Variants in FOCAD observed in about 807,000 individuals in gnomAD.
The protein encoded by FOCAD is KIAA1797.
A neutral mutation model predicts 225.6 loss-of-function variants in FOCAD; 198 were observed. The observed-to-expected ratio is 0.88, with a 90% CI of 0.78 to 0.99. The LOEUF (loss-of-function observed/expected upper bound fraction) is 0.99, where lower values mean the gene tolerates loss of function less well. FOCAD is among the 50% of genes least tolerant of loss of function. The pLI, the probability that FOCAD is intolerant of heterozygous loss-of-function variation, is 0.00. For missense variants in FOCAD, 2,713 were observed against 2,123.6 expected (o/e 1.28, Z -5.46); for synonymous variants, 897 against 755.0 (o/e 1.19, Z -3.08).
intron 2 of FOCAD, among the ~76,000 whole-genome samples, chr9:20,665,068 GTA>G: frequency 6.6e-6 from 1 of 152,134 alleles, no homozygotes; most frequent in East Asian, 1.9e-4. Context: ...CCAGGGTAGA[GTA>G]CTCCAGTATG....
At chr9:20,924,784 C>G (rs555875120) in intron 25 of FOCAD, among the ~76,000 whole-genome samples, 1 of 152,200 alleles carries the variant, frequency 6.6e-6, no homozygotes, top group South Asian at 2.1e-4. Context: ...TTGGGAAGAA[C>G]AAGAACCAGG....
At position 20,671,560 on chromosome 9, in the gene FOCAD, T is replaced by G. The variant is rs993257801; in HGVS notation, c.-78+12734T>G. The stretch of plus-strand genomic sequence containing the variant: ...TTCAGTTTCCACCTATTGGCCGTCC[T>G]TGCAAGGGAGGCATCATTCTCTCAC... On this transcript the variant is annotated intron_variant, in intron 2 of 45. Transcript: ENST00000380249. Among the ~76,000 whole-genome samples, 4 of 152,122 alleles carry G rather than the reference T, an allele frequency of 2.6e-5. No homozygotes were observed. The East Asian group carries it at 5.8e-4, about 22-fold the overall frequency.
intron 1 of FOCAD, among the ~76,000 whole-genome samples, chr9:20,698,582 T>G (rs1823577344): frequency 6.6e-6 from 1 of 152,080 alleles, no homozygotes; most frequent in South Asian, 2.1e-4. Context: ...TTATTTTTTG[T>G]AGAGATGAGG....
chr9:20,722,934 G>GT lies in FOCAD; in HGVS notation c.287+2402dup, dbSNP rs372194235. On this transcript the variant is annotated intron_variant, in intron 4 of 43. Coordinates refer to ENST00000338382, the MANE Select transcript of FOCAD (RefSeq NM_001375567.1). ...GTAGTTGTACTATTTATATTCAAAAGTTAAAGTATCAGCAGCTCATGGGGC... is the reference window on the plus strand; with the variant it reads ...GTAGTTGTACTATTTATATTCAAAAGTTTAAAGTATCAGCAGCTCATGGGGC... Among the ~76,000 whole-genome samples, 109 of 152,266 alleles carry GT rather than the reference G, an allele frequency of 7.2e-4. 1 individual carries two copies. The highest frequency in any genetic ancestry group is 2.5e-3 in the African/African-American group (103 of 41,554).
intron 4 of FOCAD, among the ~76,000 whole-genome samples, chr9:20,735,827 T>G (rs1180307123): frequency 1.8e-5 from 2 of 113,262 alleles, no homozygotes; most frequent in Non-Finnish European, 3.5e-5. Context: ...CCTGGCCTCT[T>G]CAATTGTTTT....
chr9:20,862,612 C>T lies in FOCAD; in HGVS notation c.1955C>T (p.Ser652Phe). ...ATTCGCTCCACTTGGAATGCTCTCT[C>T]TCCAAAGCTGAGTTGTGACACAAGA... ...VCIRSTWNAL[S>F]PKLSCDTRPL... The change falls in exon 16 of 44, where the codon TCT becomes TTT. Residue 652 changes from serine to phenylalanine, a missense_variant. Physicochemically the swap from Ser to Phe is radical, Grantham distance 155. Coordinates refer to ENST00000338382, the MANE Select transcript of FOCAD (RefSeq NM_001375567.1). 1.2e-6 allele frequency: 2 copies of T among 1,613,510 alleles called. No individual in the cohort carries two copies. The highest frequency in any genetic ancestry group is 1.7e-6 in the Non-Finnish European group (2 of 1,179,642).
At chr9:20,712,219 C>A (rs976611283) in intron 1 of FOCAD, among the ~76,000 whole-genome samples, 2 of 152,156 alleles carry the variant, frequency 1.3e-5, no homozygotes, top group Non-Finnish European at 1.5e-5. Context: ...AAATGGAATT[C>A]TTTGTCTTCC....
intron 17 of FOCAD, 30 bp from the exon 18 acceptor site, chr9:20,866,899 T>C: frequency 3.0e-6 from 2 of 675,912 alleles, no homozygotes; most frequent in East Asian, 3.9e-5. Flanking sequence ...TTTTTTTTTT[T>C]TTTTTTTTTT....
intron 40 of FOCAD, among the ~76,000 whole-genome samples, chr9:20,987,936 C>T (rs1313071831): frequency 6.6e-6 from 1 of 152,100 alleles, no homozygotes; most frequent in South Asian, 2.1e-4. Flanking sequence ...TGTGATTTGG[C>T]ATAAATTGGG....
intron 15 of FOCAD, among the ~76,000 whole-genome samples, chr9:20,861,003 C>A (rs772444250): frequency 6.6e-6 from 1 of 152,072 alleles, no homozygotes; most frequent in African/African-American, 2.4e-5. Context: ...TTGACTTTTG[C>A]TTTCCATTTT....
chr9:20,822,543 G>C (rs1309611691), intron 14 of FOCAD, among the ~76,000 whole-genome samples: 1 of 151,942 alleles, frequency 6.6e-6, no homozygotes, highest in Admixed American at 6.6e-5. Flanking sequence ...CATTATGATA[G>C]GTGTAACCAC....
intron 11 of FOCAD, among the ~76,000 whole-genome samples, chr9:20,800,191 C>G (rs996987489): frequency 4.6e-5 from 7 of 152,148 alleles, no homozygotes; most frequent in Non-Finnish European, 7.3e-5. Context: ...TCTCTTCTGG[C>G]TTGTAGAGTT....
At chr9:20,951,135 G>A (rs777268196) in intron 34 of FOCAD, 37 bp downstream of exon 34, 1 of 1,537,472 alleles carries the variant, frequency 6.5e-7, no homozygotes, top group Non-Finnish European at 9.0e-7. Flanking sequence ...AGCTGGAAGG[G>A]AGGGATTGCC....
chr9:20,663,985 G>A (rs1397055995), intron 2 of FOCAD, among the ~76,000 whole-genome samples: 1 of 151,796 alleles, frequency 6.6e-6, no homozygotes, highest in Non-Finnish European at 1.5e-5. Context: ...CCTATTTTGT[G>A]TTGTTATTTT....
At chr9:20,795,641 G>A (rs1431437613) in intron 11 of FOCAD, among the ~76,000 whole-genome samples, 1 of 151,772 alleles carries the variant, frequency 6.6e-6, no homozygotes, top group Non-Finnish European at 1.5e-5. Flanking sequence ...AAACTTAGTC[G>A]GGCGTGGTGG....
chr9:20,955,265 T>C (rs1439329558), intron 35 of FOCAD, among the ~76,000 whole-genome samples: 4 of 152,144 alleles, frequency 2.6e-5, no homozygotes, highest in African/African-American at 9.7e-5. Flanking sequence ...CAATCCACAT[T>C]TGTGCTAGGA....
chr9:20,844,126 A>C (rs568014606), intron 15 of FOCAD, among the ~76,000 whole-genome samples: 1 of 152,234 alleles, frequency 6.6e-6, no homozygotes, highest in African/African-American at 2.4e-5. Flanking sequence ...TAAACTATAC[A>C]CTAAAACCTA....
In FOCAD at chr9:20,905,929, T is replaced by G. The variant is rs537890983; in HGVS notation, c.2626-1221T>G. Among the ~76,000 whole-genome samples the G allele has an allele frequency of 2.8e-3, 198 of 71,510 alleles. 5 individuals are homozygous for G. The South Asian group carries it at 0.059, about 21-fold the overall frequency. The allele number at this position is 71,510 out of a possible 152,430, so 46.9% of individuals were successfully genotyped here. A position where few individuals can be genotyped will look rare whatever the true frequency, so the allele number is the denominator to read the frequency against. On this transcript the variant is annotated intron_variant, in intron 21 of 43. Transcript: ENST00000338382. ...GGCTGAGTATCTGTTTTATACTGTT[T>G]GAGATTTTTTTTTTTTTTAAAAACA...
At chr9:20,781,293 G>A (rs1819334491) in intron 9 of FOCAD, among the ~76,000 whole-genome samples, 1 of 152,146 alleles carries the variant, frequency 6.6e-6, no homozygotes, top group Non-Finnish European at 1.5e-5. Flanking sequence ...GGGCAGTCCT[G>A]CTTCACTTTG....
Sources: gnomAD v4.1 joint callset for allele counts (sites outside exome capture counted in the v4.1 genomes callset) on GRCh38, gnomAD v4.1.1 for gene constraint, MANE v1.5 for transcripts, NCBI Gene and HGNC (gene_info 2026-07-23, HGNC 2026-07-21) for gene names.